TENM3: variants seen among roughly 807,000 people sequenced by gnomAD.
The protein encoded by TENM3 is teneurin-3.
A neutral mutation model predicts 255.1 loss-of-function variants in TENM3; 63 were observed. The ratio of observed to expected loss-of-function variants is 0.25; its 90% CI spans 0.20 to 0.30. TENM3 has a LOEUF of 0.30. TENM3 is among the 10% of genes least tolerant of loss of function. The pLI, the probability that TENM3 is intolerant of heterozygous loss-of-function variation, is 1.00. For missense variants in TENM3, 2,929 were observed against 3,461.1 expected, an observed-to-expected ratio of 0.85 and a Z score of 3.86; for synonymous variants, 1,306 against 1,322.3, an observed-to-expected ratio of 0.99 and a Z score of 0.27.
intron 1 of TENM3, among the ~76,000 whole-genome samples, chr4:182,159,886 T>A (rs2149620445): frequency 6.6e-6 from 1 of 152,310 alleles, no homozygotes; most frequent in East Asian, 1.9e-4. Flanking sequence ...ACGGAAAGAT[T>A]TTTGACATTT....
At chr4:181,942,506 A>G in the TENM3 span, among the ~76,000 whole-genome samples, 3 of 152,232 alleles carry the variant, frequency 2.0e-5, no homozygotes, top group African/African-American at 7.2e-5. Context: ...CCAACACCCA[A>G]GACTTTCTTA....
the TENM3 span, among the ~76,000 whole-genome samples, chr4:181,580,708 G>A: frequency 6.6e-6 from 1 of 152,152 alleles, no homozygotes; most frequent in Non-Finnish European, 1.5e-5. Context: ...GATGCTTCAT[G>A]TTCATCACTT....
the TENM3 span, among the ~76,000 whole-genome samples, chr4:181,771,615 A>G: frequency 6.6e-6 from 1 of 152,206 alleles, no homozygotes; most frequent in Non-Finnish European, 1.5e-5. Flanking sequence ...CCTGTCTTTG[A>G]TTAGGAACCA....
At chr4:182,659,350 A>C (rs2152526145) in intron 6 of TENM3, among the ~76,000 whole-genome samples, 1 of 152,196 alleles carries the variant, frequency 6.6e-6, no homozygotes, top group Middle Eastern at 3.4e-3. Flanking sequence ...ACATTCACTT[A>C]ACTTTCATTG....
At chr4:182,532,938 G>A (rs1030218097) in intron 3 of TENM3, among the ~76,000 whole-genome samples, 1 of 152,110 alleles carries the variant, frequency 6.6e-6, no homozygotes, top group Non-Finnish European at 1.5e-5. Flanking sequence ...AAATCAATCC[G>A]ATGTGGATAA....
At chr4:181,815,222 G>A in the TENM3 span, among the ~76,000 whole-genome samples, 3 of 151,446 alleles carry the variant, frequency 2.0e-5, no homozygotes. Context: ...GAGGCCAAGG[G>A]GGGCGGATCA....
At chr4:181,806,297 G>A in the TENM3 span, among the ~76,000 whole-genome samples, 8 of 152,154 alleles carry the variant, frequency 5.3e-5, no homozygotes, top group African/African-American at 1.9e-4. Flanking sequence ...CCCCACGCCT[G>A]TGTCTTGAGA....
At chr4:182,494,263 A>G (rs901148825) in intron 3 of TENM3, among the ~76,000 whole-genome samples, 1 of 152,182 alleles carries the variant, frequency 6.6e-6, no homozygotes, top group African/African-American at 2.4e-5. Context: ...GTTTTGGTAT[A>G]TACAGTAGTC....
At chr4:181,948,478 C>A in the TENM3 span, among the ~76,000 whole-genome samples, 1 of 152,016 alleles carries the variant, frequency 6.6e-6, no homozygotes, top group Admixed American at 6.5e-5. Context: ...TTCAGTGGTG[C>A]GATCTCACCT....
chr4:181,529,397 A>C, the TENM3 span, among the ~76,000 whole-genome samples: 2 of 152,210 alleles, frequency 1.3e-5, no homozygotes, highest in Non-Finnish European at 2.9e-5. Context: ...AGAGCTGCTC[A>C]ATTCATGTTT....
At chr4:182,150,044 T>TA (rs1750231645) in intron 1 of TENM3, among the ~76,000 whole-genome samples, 1 of 152,016 alleles carries the variant, frequency 6.6e-6, no homozygotes, top group Non-Finnish European at 1.5e-5. Flanking sequence ...TATTCTCAAA[T>TA]ATTGTGGAGT....
intron 1 of TENM3, among the ~76,000 whole-genome samples, chr4:182,216,780 C>G (rs979785536): frequency 1.3e-5 from 2 of 152,136 alleles, no homozygotes; most frequent in African/African-American, 2.4e-5. Context: ...TTCTCATTCA[C>G]TTGATAGCAT....
chr4:182,099,741 A>C, the TENM3 span, among the ~76,000 whole-genome samples: 3 of 152,174 alleles, frequency 2.0e-5, no homozygotes, highest in Non-Finnish European at 2.9e-5. Context: ...CTTGACTTTT[A>C]GAGAAAAAGT....
At chr4:182,440,580 C>G (rs1326677998) in intron 3 of TENM3, among the ~76,000 whole-genome samples, 8 of 152,254 alleles carry the variant, frequency 5.3e-5, no homozygotes, top group Non-Finnish European at 5.9e-5. Flanking sequence ...CCTCCACCCC[C>G]AGTCCTACAG....
intron 3 of TENM3, among the ~76,000 whole-genome samples, chr4:182,377,852 C>T (rs1486203678): frequency 6.6e-6 from 1 of 152,164 alleles, no homozygotes; most frequent in African/African-American, 2.4e-5. Context: ...TATATCACAA[C>T]AGCAAAGTTT....
chr4:182,595,599 A>AT (rs1322178921), intron 3 of TENM3, among the ~76,000 whole-genome samples: 4 of 152,170 alleles, frequency 2.6e-5, no homozygotes, highest in Non-Finnish European at 4.4e-5. Flanking sequence ...TTAGGCTTTC[A>AT]TTGAAGTTAT....
At chr4:182,041,520 T>C in the TENM3 span, among the ~76,000 whole-genome samples, 2 of 152,242 alleles carry the variant, frequency 1.3e-5, no homozygotes, top group Non-Finnish European at 2.9e-5. Flanking sequence ...TATCATCTTT[T>C]CTGTATAACT....
At chr4:181,615,440 C>T in the TENM3 span, among the ~76,000 whole-genome samples, 2 of 152,196 alleles carry the variant, frequency 1.3e-5, no homozygotes, top group African/African-American at 4.8e-5. Context: ...CCTACCTTCA[C>T]TCACTAAAGT....
At chr4:181,488,422 C>A in the TENM3 span, among the ~76,000 whole-genome samples, 1 of 152,114 alleles carries the variant, frequency 6.6e-6, no homozygotes, top group Non-Finnish European at 1.5e-5. Context: ...GGATTTGAAA[C>A]AAACCACAGG....
Sources: allele counts gnomAD v4.1 joint callset (sites outside exome capture counted in the v4.1 genomes callset), GRCh38; gene constraint gnomAD v4.1.1; transcripts MANE v1.5; gene names NCBI Gene and HGNC (gene_info 2026-07-23, HGNC 2026-07-21).